Variants in SEMA5B observed in about 807,000 individuals in gnomAD.
SEMA5B encodes the protein semaphorin 5B.
Under a neutral mutation model 135.0 loss-of-function variants are expected in SEMA5B, and 66 were observed. The ratio of observed to expected loss-of-function variants is 0.49; its 90% CI spans 0.40 to 0.60. The LOEUF (loss-of-function observed/expected upper bound fraction) is 0.60, where lower values mean the gene tolerates loss of function less well. SEMA5B is among the 20% of genes least tolerant of loss of function. The probability of loss-of-function intolerance (pLI) is 0.00; values close to 1 mark genes in which losing one functional copy is unlikely to be tolerated. For missense variants in SEMA5B, 1,501 were observed against 1,566.3 expected, an observed-to-expected ratio of 0.96 and a Z score of 0.70; for synonymous variants, 690 against 639.5, an observed-to-expected ratio of 1.08 and a Z score of -1.19.
intron 1 of SEMA5B, among the ~76,000 whole-genome samples, chr3:123,012,387 G>T (rs536081691): frequency 1.3e-5 from 2 of 152,126 alleles, no homozygotes; most frequent in Non-Finnish European, 2.9e-5. Context: ...GGAGGCCACA[G>T]CACCAAACCA....
Position 122,915,872 on chromosome 3 carries a change from C to G in SEMA5B, c.1707G>C (p.Arg569=), listed in dbSNP as rs745367265. 1 of 1,613,940 alleles carries G rather than the reference C, an allele frequency of 6.2e-7. No individual in the cohort carries two copies. Among genetic ancestry groups the G allele is most frequent in the South Asian group, 1.1e-5 (1 of 91,074 alleles). ...YRSQGACLGA[R]DPYCGWDGKQ... ...TCCCGTCCCAGCCACAGTACGGGTC[C>G]CGGGCCCCCAGGCATGCCCTGCCAG... is the stretch of plus-strand genomic sequence containing the variant. The change falls in exon 13 of 23, where the codon CGG becomes CGC. Residue 569 remains arginine (R), a synonymous_variant. Coordinates refer to ENST00000357599, the MANE Select transcript of SEMA5B (RefSeq NM_001031702.4).
intron 5 of SEMA5B, among the ~76,000 whole-genome samples, chr3:122,929,327 T>G (rs1938828687): frequency 1.3e-5 from 2 of 152,194 alleles, no homozygotes; most frequent in South Asian, 4.1e-4. Context: ...GAACAGCTTC[T>G]GAATCTTTCA....
At chr3:122,913,486 G>A (rs112133383) in intron 16 of SEMA5B, 48 bp downstream of exon 16, 15 of 1,583,018 alleles carry the variant, frequency 9.5e-6, no homozygotes, top group Non-Finnish European at 1.3e-5. Context: ...CCTCCCCTCG[G>A]CTCCAGTACC....
intron 1 of SEMA5B, chr3:122,993,063 C>T (rs1037774218): frequency 6.6e-6 from 1 of 152,278 alleles, no homozygotes; most frequent in Non-Finnish European, 1.5e-5. Flanking sequence ...AGGACTGCTG[C>T]TACTGCTCCC....
rs768984530 is a variant in SEMA5B, at chr3:122,910,237, T to C, written c.3362A>G (p.Asn1121Ser). ...TGGGTAGTAAGTAGTCGTGTACACA[T>C]TGGTCTGCTGCAATGGGTAGAAGTT... ...RANFYPLQQT[N>S]VYTTTYYPSP... is the part of the protein sequence containing the mutation. Residue 1121 changes from asparagine (N) to serine (S), a missense_variant, in exon 23 of 23, where the codon AAT becomes AGT. By Grantham distance (46) the Asn-to-Ser change is conservative. Coordinates refer to ENST00000357599, the MANE Select transcript of SEMA5B (RefSeq NM_001031702.4). 1.9e-6 allele frequency: 3 copies of C among 1,614,044 alleles called. No individual in the cohort carries two copies. Among genetic ancestry groups the C allele is most frequent in the African/African-American group, 1.3e-5 (1 of 74,908 alleles).
At position 122,991,312 on chromosome 3, in the gene SEMA5B, C is replaced by T. The variant is rs145627032; in HGVS notation, c.-38-30011G>A. ...ACACTTCACTTGGCTAGGATGAGAC[C>T]GAGTCTCAGGGGACCAAAGGCCACA... On this transcript the variant is annotated intron_variant, in intron 1 of 22. Transcript: ENST00000357599. Among the ~76,000 whole-genome samples, 30 of 152,224 alleles carry T rather than the reference C, an allele frequency of 2.0e-4. 1 individual carries two copies. In the East Asian group the frequency reaches 5.0e-3, roughly 25 times the overall value.
chr3:122,992,497 T>C (rs1444820), intron 1 of SEMA5B, among the ~76,000 whole-genome samples: 51,276 of 152,032 alleles, frequency 0.34, 14,060 homozygotes, highest in African/African-American at 0.76. Flanking sequence ...TCCACATGCT[T>C]TTAGACACAT....
intron 1 of SEMA5B, among the ~76,000 whole-genome samples, chr3:122,969,828 A>G (rs1370819415): frequency 6.6e-6 from 1 of 152,218 alleles, no homozygotes; most frequent in Non-Finnish European, 1.5e-5. Context: ...GAATGTAAGA[A>G]TCATCTCTAT....
rs564170066 is a variant in SEMA5B at position 122,973,509 on chromosome 3, G to A, written c.-38-12208C>T. ...GAAAATGAGTGAGGAGGGGTGGAAC[G>A]TCAACAGAGACCAGAAGGGAATAAA... On this transcript the variant is annotated intron_variant, in intron 1 of 22. Coordinates refer to ENST00000357599, the MANE Select transcript of SEMA5B (RefSeq NM_001031702.4). Among the ~76,000 whole-genome samples the A allele has an allele frequency of 2.8e-4, 43 of 152,332 alleles. No individual in the cohort carries two copies. In the South Asian group the frequency reaches 6.2e-3, roughly 22 times the overall value.
intron 1 of SEMA5B, among the ~76,000 whole-genome samples, chr3:123,006,536 A>C (rs1942315783): frequency 6.6e-6 from 1 of 152,228 alleles, no homozygotes; most frequent in Non-Finnish European, 1.5e-5. Flanking sequence ...CAACCTTCTA[A>C]GGGGCTTGCT....
At position 122,928,502 on chromosome 3, in the gene SEMA5B, C is replaced by T. The variant is rs573232559; in HGVS notation, c.636+15G>A. 3 of 1,546,952 alleles carry T rather than the reference C, an allele frequency of 1.9e-6. No individual in the cohort carries two copies. Among genetic ancestry groups the T allele is most frequent in the South Asian group, 1.2e-5 (1 of 83,600 alleles). On this transcript the variant is annotated intron_variant, in intron 7 of 22. Transcript: ENST00000357599. Reference sequence around the variant, plus strand: ...ATGGTGCCCCCTTCAGTCTCCTCCACCCTGAGGTGCCCACCTGTCTGCTGG... The same window carrying T: ...ATGGTGCCCCCTTCAGTCTCCTCCATCCTGAGGTGCCCACCTGTCTGCTGG...
intron 8 of SEMA5B, 93 bp from the exon 9 acceptor site, chr3:122,926,770 A>T: frequency 7.1e-7 from 1 of 1,414,140 alleles, no homozygotes; most frequent in East Asian, 2.3e-5. Flanking sequence ...GTTTTCCCAG[A>T]TGGGCATCCT....
At chr3:122,938,378 C>A (rs971412351) in intron 5 of SEMA5B, among the ~76,000 whole-genome samples, 6 of 152,132 alleles carry the variant, frequency 3.9e-5, no homozygotes, top group Admixed American at 2.6e-4. Flanking sequence ...TCCTCCCAAC[C>A]CTTCCCTTCC....
chr3:122,992,982 C>A (rs186494769), intron 1 of SEMA5B: 2 of 152,180 alleles, frequency 1.3e-5, no homozygotes, highest in African/African-American at 4.8e-5. Flanking sequence ...CACAGGCACA[C>A]CGGTTCCAGA....
At chr3:122,914,200 T>C (rs1349362028) in intron 14 of SEMA5B, among the ~76,000 whole-genome samples, 199 bp from the exon 15 acceptor site, 2 of 152,246 alleles carry the variant, frequency 1.3e-5, no homozygotes, top group African/African-American at 4.8e-5. Flanking sequence ...CAGACATGTA[T>C]TGAGAGCCTT....
intron 1 of SEMA5B, among the ~76,000 whole-genome samples, chr3:123,001,183 G>A (rs1402539855): frequency 1.3e-5 from 2 of 152,172 alleles, no homozygotes; most frequent in African/African-American, 4.8e-5. Flanking sequence ...ATGCTTGAAG[G>A]GAAATCTCAG....
intron 2 of SEMA5B, among the ~76,000 whole-genome samples, chr3:122,953,872 T>A (rs544369842): frequency 6.6e-6 from 1 of 152,292 alleles, no homozygotes; most frequent in Non-Finnish European, 1.5e-5. Context: ...CCCAGCAGCC[T>A]CATATGTACC....
intron 5 of SEMA5B, among the ~76,000 whole-genome samples, chr3:122,930,569 G>A (rs2107663285): frequency 6.6e-6 from 1 of 152,380 alleles, no homozygotes; most frequent in South Asian, 2.1e-4. Context: ...GCCCCGGACG[G>A]TGGGCGGCTC....
chr3:122,969,257 C>A (rs762388635), intron 1 of SEMA5B, among the ~76,000 whole-genome samples: 1 of 152,196 alleles, frequency 6.6e-6, no homozygotes, highest in Non-Finnish European at 1.5e-5. Context: ...CTCTTTGATG[C>A]CAAAGCGCAT....
Sources: gnomAD v4.1 joint callset for allele counts (sites outside exome capture counted in the v4.1 genomes callset) on GRCh38, gnomAD v4.1.1 for gene constraint, MANE v1.5 for transcripts, NCBI Gene and HGNC (gene_info 2026-07-23, HGNC 2026-07-21) for gene names.